The following KALRN variants were observed in gnomAD, a reference collection of about 807,000 sequenced individuals.
KALRN encodes kalirin RhoGEF kinase, also known as kalirin.
A neutral mutation model predicts 353.7 loss-of-function variants in KALRN; 70 were observed. That is an observed-to-expected ratio of 0.20 (90% CI 0.16 to 0.24). The LOEUF (loss-of-function observed/expected upper bound fraction) is 0.24. Ranked by LOEUF, KALRN falls within the 10% of genes least tolerant of loss-of-function variation. The pLI is 1.00. For synonymous variants in KALRN, 1,391 were observed against 1,434.8 expected, an observed-to-expected ratio of 0.97 and a Z score of 0.69; for missense variants, 2,791 against 3,756.7, an observed-to-expected ratio of 0.74 and a Z score of 6.72.
intron 49 of KALRN, 76 bp from the exon 50 acceptor site, chr3:124,678,114 C>T: frequency 6.6e-7 from 1 of 1,522,292 alleles, no homozygotes; most frequent in Non-Finnish European, 9.0e-7. Context: ...CTGACTCACC[C>T]AAGGGTGGTG....
At chr3:124,708,711 T>C (rs2062753500) in intron 57 of KALRN, among the ~76,000 whole-genome samples, 1 of 151,824 alleles carries the variant, frequency 6.6e-6, no homozygotes, top group East Asian at 1.9e-4. Flanking sequence ...GCAGAAAAAA[T>C]TTTTGAAGAA....
At chr3:124,266,512 C>G (rs951182617) in intron 4 of KALRN, among the ~76,000 whole-genome samples, 19 of 152,100 alleles carry the variant, frequency 1.2e-4, no homozygotes, top group Admixed American at 1.2e-3. Context: ...ATGATTTAAG[C>G]GTCTGTATTC....
chr3:124,129,914 G>C (rs1470246699), intron 1 of KALRN, among the ~76,000 whole-genome samples: 1 of 152,194 alleles, frequency 6.6e-6, no homozygotes, highest in African/African-American at 2.4e-5. Flanking sequence ...ATGTGTTCTG[G>C]AGCCCTGCCC....
chr3:124,457,361 C>T (rs188676309), intron 23 of KALRN, among the ~76,000 whole-genome samples: 13 of 151,988 alleles, frequency 8.6e-5, no homozygotes, highest in East Asian at 3.9e-4. Flanking sequence ...TGAGCCACCA[C>T]GCCCAGCCTC....
chr3:124,633,636 G>GGT (rs60981319), intron 35 of KALRN, among the ~76,000 whole-genome samples: 2,204 of 103,738 alleles, frequency 0.021, 33 homozygotes, highest in African/African-American at 0.039. Context: ...TCTTTTTGGG[G>GGT]GTGTGTGTGT....
intron 3 of KALRN, among the ~76,000 whole-genome samples, chr3:124,239,083 A>G (rs1370895761): frequency 1.3e-5 from 2 of 152,100 alleles, no homozygotes; most frequent in Non-Finnish European, 2.9e-5. Context: ...ATCCACCTAC[A>G]CTTATCTAAC....
At chr3:124,442,181 G>A in intron 19 of KALRN, 122 bp downstream of exon 19, 1 of 571,686 alleles carries the variant, frequency 1.7e-6, no homozygotes, top group Non-Finnish European at 3.1e-6. Flanking sequence ...AAATGAAAAT[G>A]TATGATGTGG....
chr3:124,684,428 G>C (rs1708320), intron 51 of KALRN, among the ~76,000 whole-genome samples: 1 of 151,982 alleles, frequency 6.6e-6, no homozygotes, highest in Non-Finnish European at 1.5e-5. Context: ...TTGGCTTTCC[G>C]AGGCTGAAGT....
intron 10 of KALRN, among the ~76,000 whole-genome samples, chr3:124,353,343 G>A (rs1263737098): frequency 6.6e-6 from 1 of 152,082 alleles, no homozygotes; most frequent in Non-Finnish European, 1.5e-5. Flanking sequence ...TGTGCCCTCA[G>A]AGTTGGACAA....
chr3:124,669,966 T>G (rs942377964), intron 47 of KALRN, among the ~76,000 whole-genome samples: 1 of 136,232 alleles, frequency 7.3e-6, no homozygotes, highest in African/African-American at 3.0e-5. Flanking sequence ...ATATTTTCTT[T>G]TTTTTTTTTT....
At chr3:124,322,869 G>A (rs1204027083) in intron 6 of KALRN, among the ~76,000 whole-genome samples, 2 of 152,086 alleles carry the variant, frequency 1.3e-5, no homozygotes, top group Non-Finnish European at 2.9e-5. Flanking sequence ...TCAGGTTCTG[G>A]GGCAAAGGAA....
chr3:124,401,696 C>T (rs540751551), intron 13 of KALRN, among the ~76,000 whole-genome samples: 5 of 152,080 alleles, frequency 3.3e-5, no homozygotes, highest in African/African-American at 4.8e-5. Context: ...TAGGCTATAA[C>T]GTCCGGATTT....
intron 40 of KALRN, 67 bp downstream of exon 40, chr3:124,657,618 A>G: frequency 7.1e-7 from 1 of 1,412,804 alleles, no homozygotes; most frequent in Middle Eastern, 1.8e-4. Flanking sequence ...CTCTTCCTGC[A>G]TCTGACTCAA....
chr3:124,672,129 G>A lies in KALRN; in HGVS notation c.6942+231G>A, dbSNP rs187973042. On this transcript the variant is annotated intron_variant, in intron 48 of 59. Coordinates refer to ENST00000682506, the MANE Select transcript of KALRN (RefSeq NM_001388419.1). ...TACCCAGCTAATTTTTGTATTTTTAGTACAGATGGGGTTTCACCATGTTGG... is the reference window on the plus strand; with the variant it reads ...TACCCAGCTAATTTTTGTATTTTTAATACAGATGGGGTTTCACCATGTTGG... Among the ~76,000 whole-genome samples, 405 of 152,220 alleles carry A rather than the reference G, an allele frequency of 2.7e-3. 1 individual carries two copies. The highest frequency in any genetic ancestry group is 9.3e-3 in the African/African-American group (386 of 41,538).
chr3:124,099,024 A>G (rs932981570), intron 1 of KALRN, among the ~76,000 whole-genome samples: 6 of 152,206 alleles, frequency 3.9e-5, no homozygotes, highest in Non-Finnish European at 5.9e-5. Flanking sequence ...GGTACACGTG[A>G]TATTTTGTTA....
chr3:124,599,025 C>T (rs1214001153), intron 34 of KALRN, among the ~76,000 whole-genome samples: 1 of 152,068 alleles, frequency 6.6e-6, no homozygotes, highest in East Asian at 1.9e-4. Flanking sequence ...TGCTCTGAGA[C>T]TATCTGGGGA....
At chr3:124,249,723 T>C (rs906781751) in intron 3 of KALRN, among the ~76,000 whole-genome samples, 3 of 152,168 alleles carry the variant, frequency 2.0e-5, no homozygotes, top group African/African-American at 7.2e-5. Context: ...TAGTTATGCA[T>C]GGGGGCAGCC....
chr3:124,459,148 C>T (rs962929011), intron 23 of KALRN, among the ~76,000 whole-genome samples: 6 of 152,156 alleles, frequency 3.9e-5, no homozygotes, highest in African/African-American at 1.4e-4. Flanking sequence ...GCCCTCCTCC[C>T]CTGACTTGCT....
intron 1 of KALRN, among the ~76,000 whole-genome samples, chr3:124,053,369 T>G (rs937635181): frequency 6.6e-6 from 1 of 152,062 alleles, no homozygotes; most frequent in Non-Finnish European, 1.5e-5. Context: ...TACAAGAAAT[T>G]TAATGGTGGG....
Sources: allele counts gnomAD v4.1 joint callset (sites outside exome capture counted in the v4.1 genomes callset), GRCh38; gene constraint gnomAD v4.1.1; transcripts MANE v1.5; gene names NCBI Gene and HGNC (gene_info 2026-07-23, HGNC 2026-07-21).